The following RUNX2 variants were observed in gnomAD, a reference collection of about 807,000 sequenced individuals.
The protein encoded by RUNX2 is runt-related transcription factor 2.
Under a neutral mutation model 51.7 loss-of-function variants are expected in RUNX2, and 10 were observed. The observed-to-expected ratio is 0.19, with a 90% confidence interval of 0.12 to 0.33. RUNX2 has a LOEUF of 0.33. Among genes scored for constraint, RUNX2 ranks in the 10% least tolerant of loss-of-function variants. The pLI is 1.00. For synonymous variants in RUNX2, 276 were observed against 273.6 expected, an observed-to-expected ratio of 1.01 and a Z score of -0.09; for missense variants, 562 against 691.3, an observed-to-expected ratio of 0.81 and a Z score of 2.10.
chr6:45,442,974 C>A (rs905935879), intron 5 of RUNX2, among the ~76,000 whole-genome samples: 2 of 148,974 alleles, frequency 1.3e-5, no homozygotes, highest in African/African-American at 4.9e-5. Flanking sequence ...CTGAGTCTGA[C>A]TTCTCACATG....
chr6:45,512,159 T>C (rs1801173238), intron 6 of RUNX2, 87 bp from the exon 7 acceptor site: 2 of 1,351,392 alleles, frequency 1.5e-6, no homozygotes, highest in Non-Finnish European at 2.1e-6. Context: ...CCTGTTTTTC[T>C]GCTTTTTCCT....
chr6:45,427,025 A>T (rs899628424), intron 3 of RUNX2, among the ~76,000 whole-genome samples: 1 of 152,194 alleles, frequency 6.6e-6, no homozygotes, highest in Non-Finnish European at 1.5e-5. Context: ...ATGCAAAATT[A>T]TGTAAATCAA....
Position 45,383,330 on chromosome 6 carries a change from G to C in RUNX2, c.59-39263G>C, listed in dbSNP as rs540986572. 3.5e-4 allele frequency among the ~76,000 whole-genome samples: 54 copies of C among 152,194 alleles called. 1 individual carries two copies. In the South Asian group the frequency reaches 3.7e-3, roughly 11 times the overall value. ...CACATGACTGTAATCCCAGCTACTT[G>C]AGAGGCTGAGGCAGGAGAATCGCTT... On this transcript the variant is annotated intron_variant, in intron 2 of 8. Transcript: ENST00000647337.
chr6:45,429,180 T>C (rs1198394701), intron 3 of RUNX2, among the ~76,000 whole-genome samples: 1 of 152,204 alleles, frequency 6.6e-6, no homozygotes, highest in Non-Finnish European at 1.5e-5. Flanking sequence ...TCATAGCAGA[T>C]ATGTAGCAGA....
chr6:45,330,190 C>T (rs1787174285), intron 2 of RUNX2, among the ~76,000 whole-genome samples: 2 of 151,746 alleles, frequency 1.3e-5, no homozygotes, highest in African/African-American at 2.4e-5. Context: ...ATAATATATA[C>T]AATATAATAA....
At chr6:45,485,386 G>A (rs1162368678) in intron 5 of RUNX2, among the ~76,000 whole-genome samples, 1 of 151,428 alleles carries the variant, frequency 6.6e-6, no homozygotes, top group African/African-American at 2.4e-5. Flanking sequence ...ATTTTTAGTA[G>A]AAACGGGGTT....
At chr6:45,544,590 T>C (rs928980300) in intron 7 of RUNX2, among the ~76,000 whole-genome samples, 10 of 152,220 alleles carry the variant, frequency 6.6e-5, no homozygotes, top group African/African-American at 2.2e-4. Context: ...GGGGCACACG[T>C]TGGCGTTTTA....
intron 2 of RUNX2, among the ~76,000 whole-genome samples, chr6:45,351,339 A>G (rs1792005028): frequency 6.6e-6 from 1 of 152,130 alleles, no homozygotes; most frequent in Non-Finnish European, 1.5e-5. Flanking sequence ...ACTAAATTCA[A>G]CACCTACCAG....
At chr6:45,484,880 G>A (rs1368704495) in intron 5 of RUNX2, among the ~76,000 whole-genome samples, 1 of 152,190 alleles carries the variant, frequency 6.6e-6, no homozygotes, top group Admixed American at 6.5e-5. Context: ...TGGAATAGCA[G>A]CTCTGTGGAC....
intron 2 of RUNX2, among the ~76,000 whole-genome samples, chr6:45,419,513 G>A (rs1048670563): frequency 1.3e-5 from 2 of 152,218 alleles, no homozygotes; most frequent in African/African-American, 4.8e-5. Flanking sequence ...TTGCAAGAGT[G>A]TGTGTCCGAG....
At chr6:45,503,868 G>T (rs1415625657) in intron 6 of RUNX2, among the ~76,000 whole-genome samples, 2 of 152,090 alleles carry the variant, frequency 1.3e-5, no homozygotes, top group Non-Finnish European at 2.9e-5. Flanking sequence ...TTTATTACAG[G>T]ATATGATATC....
At chr6:45,519,940 G>A (rs548081642) in intron 7 of RUNX2, among the ~76,000 whole-genome samples, 1 of 151,500 alleles carries the variant, frequency 6.6e-6, no homozygotes. Context: ...CAATTCTCTT[G>A]CCTCACCCTC....
chr6:45,400,189 G>GGGAAGGAAGGAAAGAA (rs1797681968), intron 2 of RUNX2, among the ~76,000 whole-genome samples: 2 of 141,360 alleles, frequency 1.4e-5, no homozygotes, highest in Non-Finnish European at 3.1e-5. Flanking sequence ...GAGGGAATGA[G>GGGAAGGAAGGAAAGAA]GGAAGGAAGG....
chr6:45,344,951 A>G (rs58982694), intron 2 of RUNX2, among the ~76,000 whole-genome samples: 3,663 of 152,234 alleles, frequency 0.024, 153 homozygotes, highest in African/African-American at 0.082. Flanking sequence ...TATGCTCTGA[A>G]GCCAAGCTTC....
chr6:45,364,453 A>T (rs1049490874), intron 2 of RUNX2, among the ~76,000 whole-genome samples: 7 of 152,178 alleles, frequency 4.6e-5, no homozygotes, highest in African/African-American at 1.7e-4. Flanking sequence ...GTCATGAATA[A>T]TGTATCCACA....
chr6:45,514,949 T>G (rs75072981), intron 7 of RUNX2, among the ~76,000 whole-genome samples: 11 of 151,972 alleles, frequency 7.2e-5, no homozygotes, highest in South Asian at 2.1e-4. Flanking sequence ...TTTTTTTTTT[T>G]TTGTTTGTGT....
intron 5 of RUNX2, among the ~76,000 whole-genome samples, chr6:45,463,522 T>C (rs1799534644): frequency 6.6e-6 from 1 of 152,246 alleles, no homozygotes; most frequent in Admixed American, 6.5e-5. Flanking sequence ...CTGGTTTTTT[T>C]CCTTTTGTCT....
intron 5 of RUNX2, among the ~76,000 whole-genome samples, chr6:45,447,233 G>T (rs1418417705): frequency 1.3e-5 from 2 of 152,216 alleles, no homozygotes; most frequent in Non-Finnish European, 2.9e-5. Context: ...CGGCCTTGAG[G>T]CCAGTGGTTG....
chr6:45,404,042 CT>C (rs1376627350), intron 2 of RUNX2, among the ~76,000 whole-genome samples: 1 of 151,816 alleles, frequency 6.6e-6, no homozygotes, highest in African/African-American at 2.4e-5. Flanking sequence ...GGTGGATCAC[CT>C]GAGGTCAGAA....
Sources: gnomAD v4.1 joint callset for allele counts (sites outside exome capture counted in the v4.1 genomes callset) on GRCh38, gnomAD v4.1.1 for gene constraint, MANE v1.5 for transcripts, NCBI Gene and HGNC (gene_info 2026-07-23, HGNC 2026-07-21) for gene names.